GBE1: variants seen among roughly 807,000 people sequenced by gnomAD.
GBE1 encodes the protein 1,4-alpha-glucan-branching enzyme.
Under a neutral mutation model 88.8 loss-of-function variants are expected in GBE1, and 70 were observed. The ratio of observed to expected loss-of-function variants is 0.79; its 90% CI spans 0.65 to 0.96. The LOEUF is 0.96. Ranked by LOEUF, GBE1 falls within the 40% of genes least tolerant of loss-of-function variation. GBE1 has a pLI of 0.00. For synonymous variants in GBE1, 284 were observed against 300.1 expected, an observed-to-expected ratio of 0.95 and a Z score of 0.56; for missense variants, 872 against 871.0, an observed-to-expected ratio of 1.00 and a Z score of -0.01.
intron 3 of GBE1, among the ~76,000 whole-genome samples, chr3:81,660,981 C>T (rs1038745351): frequency 4.6e-5 from 7 of 151,816 alleles, no homozygotes; most frequent in African/African-American, 1.7e-4. Flanking sequence ...AAAAATAATG[C>T]CCACCTAAAC....
intron 3 of GBE1, among the ~76,000 whole-genome samples, chr3:81,651,876 C>T (rs1215535173): frequency 6.6e-6 from 1 of 152,172 alleles, no homozygotes; most frequent in Middle Eastern, 3.2e-3. Flanking sequence ...AATTTAACCC[C>T]CACATCCTTT....
chr3:81,594,404 C>T (rs1363304422), intron 7 of GBE1, among the ~76,000 whole-genome samples: 1 of 151,984 alleles, frequency 6.6e-6, no homozygotes, highest in African/African-American at 2.4e-5. Context: ...TTACCAGTCC[C>T]TGAATTTTTA....
chr3:81,736,254 T>C (rs1048961565), intron 1 of GBE1, among the ~76,000 whole-genome samples: 4 of 152,168 alleles, frequency 2.6e-5, no homozygotes, highest in African/African-American at 9.7e-5. Context: ...AATAAATGTA[T>C]TGTGCCATTT....
chr3:81,746,915 A>C (rs535082690), intron 1 of GBE1, among the ~76,000 whole-genome samples: 1 of 152,258 alleles, frequency 6.6e-6, no homozygotes, highest in Admixed American at 6.5e-5. Context: ...TATGTGTAAA[A>C]ATTTTCATTG....
At chr3:81,552,520 TAAAAAAAA>T (rs58899195) in intron 12 of GBE1, among the ~76,000 whole-genome samples, 1 of 55,826 alleles carries the variant, frequency 1.8e-5, no homozygotes, top group African/African-American at 6.4e-5. Context: ...CTATCTTATA[TAAAAAAAA>T]AAAAAAAAAA....
chr3:81,568,423 A>G lies in GBE1; in HGVS notation c.1618+9502T>C, dbSNP rs78840927. Among the ~76,000 whole-genome samples the G allele has an allele frequency of 2.0e-5, 3 of 152,162 alleles. No individual in the cohort carries two copies. In the East Asian group the frequency reaches 5.8e-4, roughly 30 times the overall value. On this transcript the variant is annotated intron_variant, in intron 12 of 15. Transcript: ENST00000429644. ...TCAGCCTCCCAAAATTGTGTTCTCA[A>G]TTTTAACAATGTTTTTGTTTTCTTT...
chr3:81,612,219 TTAA>T, intron 7 of GBE1: 1 of 280,392 alleles, frequency 3.6e-6, no homozygotes, highest in Non-Finnish European at 5.7e-6. Context: ...CCACGCTCCT[TTAA>T]AAAAAAAAAA....
intron 1 of GBE1, among the ~76,000 whole-genome samples, chr3:81,756,081 T>C (rs1214245722): frequency 2.6e-5 from 4 of 152,292 alleles, no homozygotes; most frequent in African/African-American, 9.6e-5. Context: ...CATATAATAT[T>C]TATCATAAAA....
At chr3:81,673,631 A>C (rs1325073340) in intron 2 of GBE1, among the ~76,000 whole-genome samples, 1 of 151,954 alleles carries the variant, frequency 6.6e-6, no homozygotes, top group East Asian at 1.9e-4. Context: ...CTTGGTATCA[A>C]CTATTGTTTC....
intron 7 of GBE1, among the ~76,000 whole-genome samples, chr3:81,614,617 T>G (rs1159782872): frequency 6.6e-6 from 1 of 152,104 alleles, no homozygotes; most frequent in Non-Finnish European, 1.5e-5. Flanking sequence ...CCCAGCACTT[T>G]GGGAGGCTGA....
chr3:81,510,889 A>T (rs1702717868), intron 14 of GBE1, among the ~76,000 whole-genome samples: 1 of 152,010 alleles, frequency 6.6e-6, no homozygotes, highest in African/African-American at 2.4e-5. Context: ...ATCTGCTGAG[A>T]GCTGACCGTA....
intron 3 of GBE1, among the ~76,000 whole-genome samples, chr3:81,668,083 A>G (rs2107109853): frequency 6.6e-6 from 1 of 152,334 alleles, no homozygotes; most frequent in East Asian, 1.9e-4. Context: ...ACATAGATGA[A>G]GCTGGAAGCC....
rs535002428 is a variant in GBE1 at position 81,680,146 on chromosome 3, G to A, written c.314-9193C>T. Among the ~76,000 whole-genome samples the A allele has an allele frequency of 3.9e-5, 6 of 152,116 alleles. No homozygotes were observed. The South Asian group carries it at 8.3e-4, about 21-fold the overall frequency. ...CCATTTATTTTCAGTTTACTTGACCGGCTGCAAGCTAACAGTATATTAAAT... is the reference window on the plus strand; with the variant it reads ...CCATTTATTTTCAGTTTACTTGACCAGCTGCAAGCTAACAGTATATTAAAT... On this transcript the variant is annotated intron_variant, in intron 2 of 15. Coordinates refer to ENST00000429644, the MANE Select transcript of GBE1 (RefSeq NM_000158.4).
intron 1 of GBE1, among the ~76,000 whole-genome samples, chr3:81,757,341 G>T (rs890448254): frequency 5.3e-5 from 8 of 152,192 alleles, no homozygotes; most frequent in Non-Finnish European, 1.2e-4. Flanking sequence ...GAGAAATGAG[G>T]AATGGTTGAA....
chr3:81,614,587 C>T lies in GBE1; in HGVS notation c.993-20564G>A, dbSNP rs115364015. 7.1e-3 allele frequency among the ~76,000 whole-genome samples: 1,074 copies of T among 152,214 alleles called. 7 individuals carry two copies. Among genetic ancestry groups the T allele is most frequent in the Middle Eastern group, 0.024 (7 of 294 alleles). On this transcript the variant is annotated intron_variant, in intron 7 of 15. Coordinates refer to ENST00000429644, the MANE Select transcript of GBE1 (RefSeq NM_000158.4). ...ACAAAAAAAATAAGGAAAATCAGCA[C>T]GGTGACTCATGCCTATAATCCCAGC...
chr3:81,669,566 C>A (rs1208977265), intron 3 of GBE1, among the ~76,000 whole-genome samples: 1 of 151,806 alleles, frequency 6.6e-6, no homozygotes, highest in Non-Finnish European at 1.5e-5. Flanking sequence ...CAATAAATAT[C>A]TTTTGAGTGT....
intron 12 of GBE1, among the ~76,000 whole-genome samples, chr3:81,539,190 T>C (rs543267496): frequency 1.3e-5 from 2 of 152,150 alleles, no homozygotes; most frequent in East Asian, 1.9e-4. Context: ...TTCAGCCCCC[T>C]GACTCTTAAT....
chr3:81,735,335 T>C lies in GBE1; in HGVS notation c.143+26040A>G, dbSNP rs532115872. Among the ~76,000 whole-genome samples, 6 of 152,332 alleles carry C rather than the reference T, an allele frequency of 3.9e-5. No individual in the cohort carries two copies. The East Asian group carries it at 7.7e-4, about 20-fold the overall frequency. On this transcript the variant is annotated intron_variant, in intron 1 of 15. Coordinates refer to ENST00000429644, the MANE Select transcript of GBE1 (RefSeq NM_000158.4). ...AGGTAGCCCTGCTCTGTGCAATGTT[T>C]GTAGGGATGTAGCACTGCTTAAAGT...
intron 1 of GBE1, among the ~76,000 whole-genome samples, chr3:81,737,367 TTA>T (rs1280835161): frequency 6.6e-5 from 2 of 30,210 alleles, no homozygotes; most frequent in South Asian, 1.3e-3. Flanking sequence ...ATTTATATAT[TTA>T]TATATATTTT....
Sources: gnomAD v4.1 joint callset for allele counts (sites outside exome capture counted in the v4.1 genomes callset) on GRCh38, gnomAD v4.1.1 for gene constraint, MANE v1.5 for transcripts, NCBI Gene and HGNC (gene_info 2026-07-23, HGNC 2026-07-21) for gene names.